MCF2L: variants seen among roughly 807,000 people sequenced by gnomAD.
The protein encoded by MCF2L is MCF.2 cell line derived transforming sequence like, also known as guanine nucleotide exchange factor DBS.
Under a neutral mutation model 153.4 loss-of-function variants are expected in MCF2L, and 97 were observed. That is an observed-to-expected ratio of 0.63 (90% CI 0.54 to 0.75). The LOEUF is 0.75. Ranked by LOEUF, MCF2L falls within the 30% of genes least tolerant of loss-of-function variation. The pLI, the probability that MCF2L is intolerant of heterozygous loss-of-function variation, is 0.00. For missense variants in MCF2L, 1,347 were observed against 1,495.2 expected (o/e 0.90, Z 1.64); for synonymous variants, 659 against 632.2 (o/e 1.04, Z -0.64).
intron 1 of MCF2L, among the ~76,000 whole-genome samples, chr13:112,998,689 T>A (rs1347897313): frequency 2.0e-5 from 3 of 152,056 alleles, no homozygotes; most frequent in Non-Finnish European, 4.4e-5. Context: ...AGGTGTGGGG[T>A]CGATTCTGTC....
intron 1 of MCF2L, among the ~76,000 whole-genome samples, chr13:112,999,236 A>T (rs1156821959): frequency 1.3e-5 from 2 of 152,140 alleles, no homozygotes; most frequent in East Asian, 3.9e-4. Flanking sequence ...CAAATCCATG[A>T]GACTCCACTG....
At position 113,045,528 on chromosome 13, in the gene MCF2L, C is replaced by T; in HGVS notation, c.369+167C>T. On this transcript the variant is annotated intron_variant, in intron 4 of 29. Coordinates refer to ENST00000535094, the MANE Select transcript of MCF2L (RefSeq NM_001112732.3). The surrounding 1 kb of genome is among the most constrained non-coding windows in gnomAD (Gnocchi z 4.2). Reference sequence around the variant, plus strand: ...GCCAAGGCCCCCCCTGCTTGGGCTCCCAAGGCACTGGTGCCTGGGTGTGAG... The same window carrying T: ...GCCAAGGCCCCCCCTGCTTGGGCTCTCAAGGCACTGGTGCCTGGGTGTGAG... The T allele has an allele frequency of 1.6e-6, 1 of 627,168 alleles. No individual in the cohort carries two copies. Among genetic ancestry groups the T allele is most frequent in the Non-Finnish European group, 2.8e-6 (1 of 350,898 alleles). 38.9% of individuals were successfully genotyped at this position (627,168 alleles called of 1,614,324 possible).
chr13:112,984,627 T>C (rs1234895820), intron 1 of MCF2L, among the ~76,000 whole-genome samples: 1 of 152,158 alleles, frequency 6.6e-6, no homozygotes, highest in Non-Finnish European at 1.5e-5. Flanking sequence ...ATAAATACAT[T>C]TGAGGCACCC....
At chr13:112,906,242 G>T (rs2081171893) in intron 2 of MCF2L, among the ~76,000 whole-genome samples, 6 of 152,204 alleles carry the variant, frequency 3.9e-5, no homozygotes. Context: ...GCTATGGAAG[G>T]GCCTCTAATC....
intron 3 of MCF2L, among the ~76,000 whole-genome samples, chr13:113,038,101 A>G (rs1566780979): frequency 6.6e-6 from 1 of 152,230 alleles, no homozygotes; most frequent in Non-Finnish European, 1.5e-5. Context: ...AATTGAGTAC[A>G]TAGGAATAAA....
chr13:113,096,247 C>A, intron 27 of MCF2L, 124 bp from the exon 28 acceptor site: 1 of 720,268 alleles, frequency 1.4e-6, no homozygotes, highest in South Asian at 1.7e-5. Flanking sequence ...TTCCCCGGAG[C>A]TGGTCGTGGC....
intron 1 of MCF2L, chr13:112,985,499 G>T (rs2082600529): frequency 2.1e-6 from 1 of 470,466 alleles, no homozygotes; most frequent in Non-Finnish European, 4.4e-6. Flanking sequence ...CTCGTCCCCT[G>T]TGAGTCCCTC....
chr13:113,097,189 G>A lies in MCF2L; in HGVS notation c.*330G>A. The stretch of plus-strand genomic sequence containing the variant: ...GCTTTCAGGGGACGCGCGGACCGTG[G>A]TGGAGCTGCTTCCGGAGAAGTGGAG... On this transcript the variant is annotated 3_prime_UTR_variant, in exon 30 of 30. Transcript: ENST00000535094. The A allele has an allele frequency of 4.0e-6, 1 of 250,504 alleles. No individual in the cohort carries two copies. The highest frequency in any genetic ancestry group is 7.6e-6 in the Non-Finnish European group (1 of 131,558). The allele number at this position is 250,504 out of a possible 1,614,324, so 15.5% of individuals were successfully genotyped here. A position where few individuals can be genotyped will look rare whatever the true frequency, so the allele number is the denominator to read the frequency against.
chr13:112,902,232 C>T, exon 2 of MCF2L: 3 of 1,612,806 alleles, frequency 1.9e-6, no homozygotes, highest in Non-Finnish European at 2.5e-6. Flanking sequence ...TTATCCTGTG[C>T]AAGAGACCTG....
At chr13:113,050,675 G>T (rs576362909) in intron 4 of MCF2L, among the ~76,000 whole-genome samples, 4 of 74,448 alleles carry the variant, frequency 5.4e-5, no homozygotes, top group East Asian at 4.5e-4. Flanking sequence ...GGCGGTGGAG[G>T]GGGGGGTGGC....
At chr13:113,026,612 A>G (rs2085326299) in intron 3 of MCF2L, among the ~76,000 whole-genome samples, 1 of 152,016 alleles carries the variant, frequency 6.6e-6, no homozygotes, top group South Asian at 2.1e-4. Context: ...CTGTGTTCTT[A>G]ATGCCGAGGA....
At position 113,096,543 on chromosome 13, in the gene MCF2L, C is replaced by T. The variant is rs749786720; in HGVS notation, c.3189-7C>T. The T allele has an allele frequency of 1.2e-6, 2 of 1,601,722 alleles. No homozygotes were observed. The highest frequency in any genetic ancestry group is 1.3e-5 in the African/African-American group (1 of 74,752). On this transcript the variant is annotated splice_region_variant and splice_polypyrimidine_tract_variant and intron_variant, in intron 28 of 29. Coordinates refer to ENST00000535094, the MANE Select transcript of MCF2L (RefSeq NM_001112732.3). Reference sequence around the variant, plus strand: ...ACGTGGCTGCCGCTGACCCTCGCCCCTTGCAGGTACGTCAGGGACCCGACC... The same window carrying T: ...ACGTGGCTGCCGCTGACCCTCGCCCTTTGCAGGTACGTCAGGGACCCGACC...
chr13:112,936,773 T>C (rs766132676), intron 2 of MCF2L, among the ~76,000 whole-genome samples: 4 of 151,890 alleles, frequency 2.6e-5, no homozygotes, highest in Non-Finnish European at 4.4e-5. Context: ...TGATGTAAAA[T>C]GGTATAGAAT....
intron 15 of MCF2L, 120 bp from the exon 16 acceptor site, chr13:113,081,093 C>T (rs373197848): frequency 2.2e-5 from 19 of 850,928 alleles, no homozygotes; most frequent in East Asian, 2.1e-4. Flanking sequence ...TTTGGGTCGC[C>T]GCCAGTCCCC....
intron 2 of MCF2L, among the ~76,000 whole-genome samples, chr13:113,022,831 G>A (rs1409657451): frequency 2.0e-5 from 3 of 152,220 alleles, no homozygotes; most frequent in African/African-American, 7.2e-5. Flanking sequence ...GGGCTGCAGT[G>A]TTCACTCCAG....
Position 113,086,231 on chromosome 13 carries a change from CGCTATCACCG to C in MCF2L, c.2361_2370del (p.Ile787MetfsTer12). 6.2e-7 allele frequency: 1 copy of C among 1,610,152 alleles called. No homozygotes were observed. The highest frequency in any genetic ancestry group is 1.7e-5 in the Admixed American group (1 of 59,696). ...CCGTGAACGACTCCATGCACCTCAT[CGCTATCACCG>C]GCTATGACGTAAGGCGCCCAGATGC... On this transcript the variant is annotated frameshift_variant, in exon 21 of 30. Transcript: ENST00000535094. LOFTEE classifies it high-confidence loss of function.
upstream of MCF2L, chr13:112,968,646 C>A: frequency 6.6e-7 from 1 of 1,524,880 alleles, no homozygotes; most frequent in Non-Finnish European, 8.8e-7. Context: ...GGCATGCGGC[C>A]ACACGGAAGG....
At chr13:113,034,955 T>C (rs1178737524) in intron 3 of MCF2L, among the ~76,000 whole-genome samples, 1 of 151,964 alleles carries the variant, frequency 6.6e-6, no homozygotes, top group Non-Finnish European at 1.5e-5. Context: ...TCCCGGGCGG[T>C]GGCATCAGGG....
chr13:113,036,694 G>T (rs545646728), intron 3 of MCF2L, among the ~76,000 whole-genome samples: 69 of 149,140 alleles, frequency 4.6e-4, no homozygotes, highest in African/African-American at 1.7e-3. Context: ...CTCTGAGCTC[G>T]CGCCTTTCTT....
Sources: allele counts gnomAD v4.1 joint callset (sites outside exome capture counted in the v4.1 genomes callset), GRCh38; gene constraint gnomAD v4.1.1; non-coding constraint Gnocchi (gnomAD v3.1); transcripts MANE v1.5; gene names NCBI Gene and HGNC (gene_info 2026-07-23, HGNC 2026-07-21).